The following RAD54L2 variants were observed in gnomAD, a reference collection of about 807,000 sequenced individuals.
RAD54L2 encodes RAD54 like 2.
In RAD54L2, 27 loss-of-function variants were observed where a neutral mutation model predicts 138.4. That is an observed-to-expected ratio of 0.20 (90% CI 0.14 to 0.27). The LOEUF (loss-of-function observed/expected upper bound fraction) is 0.27, where lower values mean the gene tolerates loss of function less well. RAD54L2 is among the 10% of genes least tolerant of loss of function. The probability of loss-of-function intolerance (pLI) is 1.00; values close to 1 mark genes in which losing one functional copy is unlikely to be tolerated. For synonymous variants in RAD54L2, 644 were observed against 723.2 expected, an observed-to-expected ratio of 0.89 and a Z score of 1.76; for missense variants, 1,396 against 1,890.2, an observed-to-expected ratio of 0.74 and a Z score of 4.85.
intron 3 of RAD54L2, among the ~76,000 whole-genome samples, chr3:51,593,047 T>C (rs894544135): frequency 1.1e-4 from 16 of 152,162 alleles, no homozygotes; most frequent in African/African-American, 3.9e-4. Flanking sequence ...TGGTGTAGTG[T>C]GATGTGGCCC....
intron 2 of RAD54L2, among the ~76,000 whole-genome samples, chr3:51,568,146 G>A (rs1699258610): frequency 1.3e-5 from 2 of 152,058 alleles, no homozygotes. Context: ...GTATGGCTGA[G>A]TGGCAGCCTC....
chr3:51,658,800 T>C (rs904919785), intron 21 of RAD54L2, among the ~76,000 whole-genome samples: 8 of 152,164 alleles, frequency 5.3e-5, no homozygotes, highest in Non-Finnish European at 1.2e-4. Context: ...TACTGCTGTC[T>C]TCCTAGTTTA....
At chr3:51,609,677 C>T (rs1385183504) in intron 3 of RAD54L2, among the ~76,000 whole-genome samples, 5 of 147,714 alleles carry the variant, frequency 3.4e-5, no homozygotes, top group Non-Finnish European at 7.4e-5. Context: ...TTTTTCTCAA[C>T]TACTGAATCC....
intron 3 of RAD54L2, among the ~76,000 whole-genome samples, chr3:51,619,745 C>T (rs886590499): frequency 1.3e-5 from 2 of 152,062 alleles, no homozygotes; most frequent in African/African-American, 2.4e-5. Context: ...AATATTATTT[C>T]TCTTGGCTTC....
At chr3:51,647,713 A>G (rs1167702649) in intron 19 of RAD54L2, among the ~76,000 whole-genome samples, 3 of 151,950 alleles carry the variant, frequency 2.0e-5, no homozygotes, top group South Asian at 2.1e-4. Context: ...AGGTCTCACT[A>G]TGTTGCTCAG....
At chr3:51,609,604 G>A (rs887616437) in intron 3 of RAD54L2, among the ~76,000 whole-genome samples, 1 of 152,186 alleles carries the variant, frequency 6.6e-6, no homozygotes, top group East Asian at 1.9e-4. Flanking sequence ...TGCTTTCCCA[G>A]CATGGTGTCT....
chr3:51,644,971 G>A (rs984816273), intron 16 of RAD54L2, 53 bp from the exon 17 acceptor site: 1 of 1,598,762 alleles, frequency 6.3e-7, no homozygotes, highest in Non-Finnish European at 8.6e-7. Context: ...AAACTGATTT[G>A]AAAACCTTTT....
intron 3 of RAD54L2, among the ~76,000 whole-genome samples, chr3:51,623,965 C>T (rs1200915128): frequency 1.7e-5 from 2 of 117,424 alleles, no homozygotes; most frequent in Admixed American, 1.2e-4. Context: ...GGTGACACAG[C>T]GAGACTCCGT....
intron 2 of RAD54L2, among the ~76,000 whole-genome samples, chr3:51,556,194 T>A (rs1224101429): frequency 2.0e-5 from 3 of 152,154 alleles, no homozygotes; most frequent in Non-Finnish European, 4.4e-5. Context: ...AGCCTAGCCT[T>A]CTTCTTTCTG....
chr3:51,539,472 G>C (rs1323759962), intron 1 of RAD54L2, among the ~76,000 whole-genome samples: 9 of 152,146 alleles, frequency 5.9e-5, no homozygotes, highest in Non-Finnish European at 1.2e-4. Flanking sequence ...GGGCACAAGA[G>C]AGTTAAGCAG....
chr3:51,608,285 C>T (rs1447253983), intron 3 of RAD54L2, among the ~76,000 whole-genome samples: 1 of 151,496 alleles, frequency 6.6e-6, no homozygotes, highest in South Asian at 2.1e-4. Context: ...CGGGCAGAGA[C>T]GCTCCTCACT....
In RAD54L2 at chr3:51,627,594, T is replaced by A. The variant is rs1027769728; in HGVS notation, c.181T>A (p.Leu61Met). 1.3e-6 allele frequency: 2 copies of A among 1,556,510 alleles called. No homozygotes were observed. Among genetic ancestry groups the A allele is most frequent in the Non-Finnish European group, 1.7e-6 (2 of 1,150,478 alleles). Reference protein sequence around the residue: ...EGMCGTEHAQLGEDGQQPPRC... With the variant: ...EGMCGTEHAQMGEDGQQPPRC... ...CATGTGTGGCACTGAGCATGCCCAG[T>A]TGGGAGAAGATGGGCAGCAGCCGCC... Residue 61 changes from leucine (L) to methionine (M), a missense_variant, in exon 4 of 23, where the codon TTG (leucine) becomes ATG (methionine). Leu to Met is a conservative substitution (Grantham distance 15). Around this residue, in one of 7 missense-constraint regions of RAD54L2, gnomAD observed 256 missense variants for 344.6 expected, o/e 0.74. Transcript: ENST00000684192.
chr3:51,543,017 T>C (rs1435625832), intron 2 of RAD54L2, among the ~76,000 whole-genome samples: 8 of 152,144 alleles, frequency 5.3e-5, no homozygotes, highest in African/African-American at 2.4e-5. Context: ...GAGACCTGGC[T>C]TTGGTGTTTT....
At chr3:51,652,915 C>A (rs966500230) in intron 19 of RAD54L2, among the ~76,000 whole-genome samples, 31 of 152,218 alleles carry the variant, frequency 2.0e-4, no homozygotes, top group Non-Finnish European at 2.8e-4. Context: ...CAATAAAAGC[C>A]AAAATAGACA....
intron 18 of RAD54L2, 23 bp from the exon 19 acceptor site, chr3:51,646,262 T>A: frequency 6.4e-7 from 1 of 1,554,798 alleles, no homozygotes; most frequent in South Asian, 1.2e-5. Context: ...GGTAACTAAA[T>A]CAACATCCTC....
intron 3 of RAD54L2, among the ~76,000 whole-genome samples, chr3:51,593,913 ACTT>A (rs1306927838): frequency 6.6e-6 from 1 of 151,944 alleles, no homozygotes; most frequent in Non-Finnish European, 1.5e-5. Context: ...TTTCTTTCAA[ACTT>A]CTTAAGAATG....
At chr3:51,600,662 G>T (rs1700060082) in intron 3 of RAD54L2, among the ~76,000 whole-genome samples, 1 of 152,002 alleles carries the variant, frequency 6.6e-6, no homozygotes, top group African/African-American at 2.4e-5. Context: ...TGTTTGTAAT[G>T]AAACTATTTG....
Position 51,663,150 on chromosome 3 carries a change from A to G in RAD54L2, c.4134A>G (p.Ile1378Met). ...TGCTCAACCCTTCTGTGCCAGGGATACTACCCAGCTATTCACTCCCATTCT... is the reference window on the plus strand; with the variant it reads ...TGCTCAACCCTTCTGTGCCAGGGATGCTACCCAGCTATTCACTCCCATTCT... ...SFMLNPSVPG[I>M]LPSYSLPFSQ... The change falls in exon 23 of 23, where the codon ATA becomes ATG. Residue 1378 changes from isoleucine (I) to methionine (M), a missense_variant. This residue lies in a region of RAD54L2 where 634 missense variants were observed against 711.2 expected (regional missense o/e 0.89). Transcript: ENST00000684192. 1 of 1,613,908 alleles carries G rather than the reference A, an allele frequency of 6.2e-7. No homozygotes were observed. Among genetic ancestry groups the G allele is most frequent in the South Asian group, 1.1e-5 (1 of 91,082 alleles).
chr3:51,579,785 C>T (rs984422752), intron 2 of RAD54L2, among the ~76,000 whole-genome samples: 4 of 152,164 alleles, frequency 2.6e-5, no homozygotes, highest in Non-Finnish European at 4.4e-5. Context: ...AGAAAAGGTA[C>T]AGTTTACCGG....
Sources: allele counts gnomAD v4.1 joint callset (sites outside exome capture counted in the v4.1 genomes callset), GRCh38; gene constraint gnomAD v4.1.1; regional missense constraint gnomAD v4.1.1; transcripts MANE v1.5; gene names NCBI Gene and HGNC (gene_info 2026-07-23, HGNC 2026-07-21).